C16orf90: variants seen among roughly 807,000 people sequenced by gnomAD.
C16orf90 encodes the protein chromosome 16 open reading frame 90, also known as uncharacterized protein C16orf90.
In C16orf90, 17 loss-of-function variants were observed where a neutral mutation model predicts 17.1. That is an observed-to-expected ratio of 1.00 (90% CI 0.68 to 1.49). C16orf90 has a LOEUF of 1.49. Among genes scored for constraint, C16orf90 ranks in the 40% most tolerant of loss-of-function variants. The pLI is 0.00. For synonymous variants in C16orf90, 108 were observed against 95.8 expected (o/e 1.13, Z -0.75); for missense variants, 255 against 235.5 (o/e 1.08, Z -0.54).
chr16:3,493,561 T>G lies in C16orf90; in HGVS notation c.*278A>C. ...GGGAGGCGGTGGCGGGGGGGCCTGA[T>G]TCTGCACTCAGCCCGGCCTCCCAGG... On this transcript the variant is annotated 3_prime_UTR_variant, in exon 3 of 3. Transcript: ENST00000437192. The G allele has an allele frequency of 3.3e-6, 1 of 304,534 alleles. No individual in the cohort carries two copies. Among genetic ancestry groups the G allele is most frequent in the Non-Finnish European group, 6.4e-6 (1 of 157,198 alleles). 18.9% of individuals were successfully genotyped at this position (304,534 alleles called of 1,614,324 possible).
chr16:3,496,268 TCTAA>T, upstream of C16orf90: 2 of 742,676 alleles, frequency 2.7e-6, no homozygotes, highest in South Asian at 2.7e-5. Context: ...AGCCAGGATA[TCTAA>T]CTGAGGCTGT....
At chr16:3,496,237 G>A (rs957591431), upstream of C16orf90, 1 of 630,938 alleles carries the variant, frequency 1.6e-6, no homozygotes, top group South Asian at 1.4e-5. Flanking sequence ...GGACCTAAAG[G>A]TTCGGCGCAA....
upstream of C16orf90, chr16:3,496,488 G>A: frequency 1.4e-6 from 1 of 710,098 alleles, no homozygotes; most frequent in Non-Finnish European, 2.4e-6. Flanking sequence ...GGTTCAGGAG[G>A]TGCCCAAACT....
Position 3,493,609 on chromosome 16 carries a change from A to G in C16orf90, c.*230T>C, listed in dbSNP as rs2037259075. ...AGGTACAAGTGGCTGACTGGAGTCT[A>G]AGCAGGCTGCAAGGGCACGGCCATG... On this transcript the variant is annotated 3_prime_UTR_variant, in exon 3 of 3. Coordinates refer to ENST00000437192, the MANE Select transcript of C16orf90 (RefSeq NM_001080524.2). 1 of 403,020 alleles carries G rather than the reference A, an allele frequency of 2.5e-6. No homozygotes were observed. 25.0% of individuals were successfully genotyped at this position (403,020 alleles called of 1,614,324 possible).
chr16:3,494,903 G>C, intron 1 of C16orf90, 26 bp from the exon 2 acceptor site: 2 of 1,466,012 alleles, frequency 1.4e-6, no homozygotes, highest in South Asian at 2.8e-5. Flanking sequence ...CGGGAGGGTG[G>C]TGGCCAGCCC....
At chr16:3,496,255 A>C, upstream of C16orf90, 1 of 690,842 alleles carries the variant, frequency 1.4e-6, no homozygotes, top group Non-Finnish European at 2.7e-6. Flanking sequence ...CAAAGAGCCC[A>C]AGAGCCAGGA....
At chr16:3,495,493 G>GGGTA (rs1216514617), upstream of C16orf90, 1 of 1,571,158 alleles carries the variant, frequency 6.4e-7, no homozygotes, top group Non-Finnish European at 8.6e-7. Context: ...CCTGCCTAGG[G>GGGTA]GGTACATTGG....
upstream of C16orf90, chr16:3,496,262 A>C: frequency 1.4e-6 from 1 of 709,906 alleles, no homozygotes. Flanking sequence ...CCCAAGAGCC[A>C]GGATATCTAA....
chr16:3,493,546 G>A lies in C16orf90; in HGVS notation c.*293C>T, dbSNP rs1008512434. The A allele has an allele frequency of 2.5e-5, 7 of 275,036 alleles. No homozygotes were observed. Among genetic ancestry groups the A allele is most frequent in the African/African-American group, 1.3e-4 (6 of 47,052 alleles). 17.0% of individuals were successfully genotyped at this position (275,036 alleles called of 1,614,324 possible). On this transcript the variant is annotated 3_prime_UTR_variant, in exon 3 of 3. Transcript: ENST00000437192. ...CTCCCCGGCCTCTCAGGGAGGCGGT[G>A]GCGGGGGGGCCTGATTCTGCACTCA...
At position 3,494,793 on chromosome 16, in the gene C16orf90, G is replaced by T; in HGVS notation, c.131C>A (p.Pro44Gln). ...IYEGGLGSPQ[P>Q]QCPSAQGSKP... is the part of the protein sequence containing the mutation. ...GCTTCCCTGGGCACTGGGGCACTGC[G>T]GCTGCGGGGACCCCAGGCCCCCCTC... The change falls in exon 2 of 3, where the codon CCG becomes CAG. Residue 44 changes from proline to glutamine, a missense_variant. Transcript: ENST00000437192. 1 of 1,586,476 alleles carries T rather than the reference G, an allele frequency of 6.3e-7. No individual in the cohort carries two copies.
At chr16:3,496,635 A>G (rs554034267), upstream of C16orf90, 47 of 533,230 alleles carry the variant, frequency 8.8e-5, no homozygotes, top group African/African-American at 8.2e-4. Context: ...GGTCTTCGCA[A>G]GGGCCGACAG....
At position 3,493,841 on chromosome 16, in the gene C16orf90, A is replaced by G. The variant is rs761254338; in HGVS notation, c.547T>C (p.Ter183GlnextTer67). 1.9e-5 allele frequency: 31 copies of G among 1,598,954 alleles called. No homozygotes were observed. The highest frequency in any genetic ancestry group is 4.5e-5 in the South Asian group (4 of 88,724). Residue 183 changes from the stop codon to glutamine (Q), a stop_lost, in exon 3 of 3, where the codon TAG (stop) becomes CAG (glutamine). Transcript: ENST00000437192. ...RTRSGALERP[*>Q] ...CCCAGTCCTGGCACTCGGGATCCCT[A>G]TGGCCTCTCCAGGGCCCCAGAGCGG...
In C16orf90 at chr16:3,494,707, G is replaced by C. The variant is rs1001140390; in HGVS notation, c.217C>G (p.Pro73Ala). 2 of 1,609,132 alleles carry C rather than the reference G, an allele frequency of 1.2e-6. No individual in the cohort carries two copies. The highest frequency in any genetic ancestry group is 2.7e-5 in the African/African-American group (2 of 74,914). The change falls in exon 2 of 3, where the codon CCG becomes GCG. Residue 73 changes from proline (P) to alanine (A), a missense_variant. Transcript: ENST00000437192. ...RGLGLYLESH[P>A]PPTGQCESHW... The stretch of plus-strand genomic sequence containing the variant: ...CTCTCACACTGGCCAGTGGGTGGCG[G>C]GTGGCTCTCCAGGTAGAGGCCCAGG...
rs1183182500 is a variant in C16orf90, at chr16:3,493,661, G to A, written c.*178C>T. ...TTCTATTGCTTCTGCCCCTCCCTCG[G>A]AACCTCCTCCTCCTCCCTCTCCCCA... On this transcript the variant is annotated 3_prime_UTR_variant, in exon 3 of 3. Transcript: ENST00000437192. 1.9e-6 allele frequency: 1 copy of A among 524,978 alleles called. No homozygotes were observed. Among genetic ancestry groups the A allele is most frequent in the Non-Finnish European group, 3.4e-6 (1 of 296,904 alleles). The allele number at this position is 524,978 out of a possible 1,614,324, so 32.5% of individuals were successfully genotyped here.
rs376776180 is a variant in C16orf90, at chr16:3,494,751, C to T, written c.173G>A (p.Arg58Gln). 3.7e-5 allele frequency: 60 copies of T among 1,603,424 alleles called. No homozygotes were observed. The highest frequency in any genetic ancestry group is 3.1e-4 in the African/African-American group (23 of 74,706). Residue 58 changes from arginine (R) to glutamine (Q), a missense_variant, in exon 2 of 3, where the codon CGG becomes CAG. Arg to Gln is a conservative substitution (Grantham distance 43, BLOSUM62 1). Coordinates refer to ENST00000437192, the MANE Select transcript of C16orf90 (RefSeq NM_001080524.2). ...GCCCAGGCCCCGGAGGTGGCGCAGC[C>T]GGAAGTTCTTGGGCTTGCTTCCCTG... ...SAQGSKPKNF[R>Q]LRHLRGLGLY...
In C16orf90 at chr16:3,493,997, G is replaced by C. The variant is rs752161517; in HGVS notation, c.401-10C>G. 1.2e-6 allele frequency: 2 copies of C among 1,602,512 alleles called. No homozygotes were observed. Among genetic ancestry groups the C allele is most frequent in the Admixed American group, 3.4e-5 (2 of 59,104 alleles). ...ATGCTGGAACTGGAAGCTGAGGAAA[G>C]AGGAGAGAAAGGAGTCACTTGAGGG... On this transcript the variant is annotated splice_polypyrimidine_tract_variant and intron_variant, in intron 2 of 2. Coordinates refer to ENST00000437192, the MANE Select transcript of C16orf90 (RefSeq NM_001080524.2).
chr16:3,494,039 G>T (rs1205027809), intron 2 of C16orf90, 52 bp from the exon 3 acceptor site: 14 of 1,540,920 alleles, frequency 9.1e-6, no homozygotes, highest in Non-Finnish European at 4.4e-6. Flanking sequence ...GGGGAGGCTG[G>T]GGGGGAGGCT....
chr16:3,494,578 G>A lies in C16orf90; in HGVS notation c.346C>T (p.Leu116Phe), dbSNP rs751824996. ...PQGTLGPRNSLCSALLEARLP... is the reference protein window; with the variant it reads ...PQGTLGPRNSFCSALLEARLP... ...CGGGCTTCCAGAAGGGCTGAACAGA[G>A]GCTGTTACGTGGGCCCAGAGTCCCC... Residue 116 changes from leucine to phenylalanine, a missense_variant, in exon 2 of 3, where the codon CTC (leucine) becomes TTC (phenylalanine). Coordinates refer to ENST00000437192, the MANE Select transcript of C16orf90 (RefSeq NM_001080524.2). 1.9e-5 allele frequency: 30 copies of A among 1,612,870 alleles called. No individual in the cohort carries two copies. Among genetic ancestry groups the A allele is most frequent in the Non-Finnish European group, 2.3e-5 (27 of 1,179,868 alleles).
Position 3,494,652 on chromosome 16 carries a change from C to T in C16orf90, c.272G>A (p.Gly91Asp). 1 of 1,611,258 alleles carries T rather than the reference C, an allele frequency of 6.2e-7. No individual in the cohort carries two copies. Among genetic ancestry groups the T allele is most frequent in the Admixed American group, 1.7e-5 (1 of 59,880 alleles). ...TGTGCCCTCAGGCTGTGGCAGGCAG[C>T]CCCCAGCCATAAGCCGGCCCAGCCA... ...SHWLGRLMAG[G>D]CLPQPEGTAW... The change falls in exon 2 of 3, where the codon GGC (glycine) becomes GAC (aspartate). Residue 91 changes from glycine to aspartate, a missense_variant. Physicochemically the swap from Gly to Asp is moderately conservative, Grantham distance 94. Coordinates refer to ENST00000437192, the MANE Select transcript of C16orf90 (RefSeq NM_001080524.2).
Sources: gnomAD v4.1 joint callset for allele counts on GRCh38, gnomAD v4.1.1 for gene constraint, MANE v1.5 for transcripts, NCBI Gene and HGNC (gene_info 2026-07-23, HGNC 2026-07-21) for gene names.